Variants in UXS1 observed in about 807,000 individuals in gnomAD.
The protein encoded by UXS1 is UDP-glucuronate decarboxylase 1.
In UXS1, 33 loss-of-function variants were observed where a neutral mutation model predicts 62.6. The observed-to-expected ratio is 0.53, with a 90% CI of 0.40 to 0.70. The LOEUF (loss-of-function observed/expected upper bound fraction) is 0.70. Ranked by LOEUF, UXS1 falls within the 30% of genes least tolerant of loss-of-function variation. The pLI is 0.00. For missense variants in UXS1, 434 were observed against 556.3 expected, an observed-to-expected ratio of 0.78 and a Z score of 2.21; for synonymous variants, 213 against 206.8, an observed-to-expected ratio of 1.03 and a Z score of -0.26.
In UXS1 at chr2:106,169,579, T is replaced by C. The variant is rs145658602; in HGVS notation, c.95-3496A>G. Reference sequence around the variant, plus strand: ...GCCTGTGCCTTCAGTCCCAGCTACATGGCGGGGGCAGAAGCAGAAAGATCG... The same window carrying C: ...GCCTGTGCCTTCAGTCCCAGCTACACGGCGGGGGCAGAAGCAGAAAGATCG... On this transcript the variant is annotated intron_variant, in intron 1 of 14. Transcript: ENST00000283148. Among the ~76,000 whole-genome samples the C allele has an allele frequency of 9.2e-5, 14 of 152,230 alleles. No homozygotes were observed. In the East Asian group the frequency reaches 2.7e-3, roughly 29 times the overall value.
At chr2:106,150,360 C>G (rs1339341421) in intron 5 of UXS1, among the ~76,000 whole-genome samples, 2 of 152,182 alleles carry the variant, frequency 1.3e-5, no homozygotes, top group Non-Finnish European at 2.9e-5. Context: ...GGTTCTGTCC[C>G]TTAAGACAAT....
chr2:106,125,509 G>A, intron 8 of UXS1, 111 bp downstream of exon 8: 1 of 1,038,248 alleles, frequency 9.6e-7, no homozygotes, highest in South Asian at 3.1e-5. Flanking sequence ...TGCACAAGAG[G>A]AGCATGGGCA....
At chr2:106,194,031 G>C in intron 1 of UXS1, 117 bp downstream of exon 1, 1 of 697,142 alleles carries the variant, frequency 1.4e-6, no homozygotes. Flanking sequence ...CCCGCCCGGG[G>C]CGGGGAGCAA....
intron 9 of UXS1, among the ~76,000 whole-genome samples, chr2:106,115,581 C>T (rs1298100836): frequency 6.6e-6 from 1 of 152,224 alleles, no homozygotes; most frequent in African/African-American, 2.4e-5. Context: ...GCTGCACCAA[C>T]ATAGAACCAA....
chr2:106,126,046 T>C (rs1679916128), intron 7 of UXS1, among the ~76,000 whole-genome samples: 1 of 152,168 alleles, frequency 6.6e-6, no homozygotes, highest in Admixed American at 6.5e-5. Context: ...CTTTTCTCCT[T>C]AACTTCCACA....
chr2:106,117,893 T>C (rs1386836557), intron 9 of UXS1, among the ~76,000 whole-genome samples: 1 of 152,166 alleles, frequency 6.6e-6, no homozygotes, highest in African/African-American at 2.4e-5. Flanking sequence ...TTCTCAAAGG[T>C]GCTAAAAGGT....
At chr2:106,156,642 C>A (rs1373937140) in intron 5 of UXS1, among the ~76,000 whole-genome samples, 1 of 152,162 alleles carries the variant, frequency 6.6e-6, no homozygotes, top group Non-Finnish European at 1.5e-5. Context: ...GCATATAACC[C>A]ACACACATCC....
At chr2:106,130,678 GCTGT>G (rs1394087556) in intron 6 of UXS1, among the ~76,000 whole-genome samples, 1 of 152,152 alleles carries the variant, frequency 6.6e-6, no homozygotes, top group Non-Finnish European at 1.5e-5. Context: ...GGGAACTGCT[GCTGT>G]CTTTCCTTTC....
chr2:106,145,413 C>T (rs1489157802), intron 5 of UXS1, 43 bp from the exon 6 acceptor site: 23 of 1,565,760 alleles, frequency 1.5e-5, no homozygotes, highest in African/African-American at 5.4e-5. Flanking sequence ...AGAAAAAGCA[C>T]ATGAGAACAC....
chr2:106,145,274 T>C lies in UXS1; in HGVS notation c.388A>G (p.Arg130Gly). ...ATCCAGTGCTCCACGTTTCTCTTCCTGCCCGTGAAGAAATTGTCCACCACG... is the reference window on the plus strand; with the variant it reads ...ATCCAGTGCTCCACGTTTCTCTTCCCGCCCGTGAAGAAATTGTCCACCACG... Reference protein sequence around the residue: ...VTVVDNFFTGRKRNVEHWIGH... With the variant: ...VTVVDNFFTGGKRNVEHWIGH... Residue 130 changes from arginine (R) to glycine (G), a missense_variant, in exon 6 of 15, where the codon AGG (arginine) becomes GGG (glycine). Physicochemically the swap from Arg to Gly is moderately radical, Grantham distance 125 (BLOSUM62 -2). Around this residue, in one of 3 missense-constraint regions of UXS1, gnomAD observed 134 missense variants for 251.9 expected, o/e 0.53. Transcript: ENST00000283148. The C allele has an allele frequency of 6.2e-7, 1 of 1,614,044 alleles. No homozygotes were observed. Among genetic ancestry groups the C allele is most frequent in the African/African-American group, 1.3e-5 (1 of 75,056 alleles).
chr2:106,159,317 A>G (rs1378858158), intron 4 of UXS1: 2 of 152,228 alleles, frequency 1.3e-5, no homozygotes, highest in Non-Finnish European at 2.9e-5. Flanking sequence ...AAGAGATATT[A>G]ATGAAACTTT....
intron 11 of UXS1, 34 bp downstream of exon 11, chr2:106,104,760 C>CT (rs781753676): frequency 2.2e-5 from 35 of 1,613,792 alleles, no homozygotes; most frequent in Non-Finnish European, 2.7e-5. Flanking sequence ...CTCCAAAGCA[C>CT]TGCTAAGGCT....
chr2:106,105,137 G>T (rs148029212), intron 10 of UXS1, among the ~76,000 whole-genome samples: 1 of 152,236 alleles, frequency 6.6e-6, no homozygotes, highest in East Asian at 1.9e-4. Flanking sequence ...GGCATCATGT[G>T]AGGCTCTGGG....
At position 106,122,925 on chromosome 2, in the gene UXS1, G is replaced by A. The variant is rs761138864; in HGVS notation, c.759+45C>T. 4 of 1,606,820 alleles carry A rather than the reference G, an allele frequency of 2.5e-6. No homozygotes were observed. The Admixed American group carries it at 5.0e-5, about 20-fold the overall frequency. On this transcript the variant is annotated intron_variant, in intron 9 of 14. Transcript: ENST00000283148. ...ACAACACTTTACATCTGAGGTCAGG[G>A]TGCTCAGCACGCCTAAACCGCAAGC...
intron 7 of UXS1, among the ~76,000 whole-genome samples, chr2:106,128,399 G>C (rs558350821): frequency 7.9e-5 from 12 of 152,300 alleles, no homozygotes; most frequent in Admixed American, 7.2e-4. Flanking sequence ...CCAGGTATCT[G>C]GTTGAACATT....
intron 1 of UXS1, among the ~76,000 whole-genome samples, chr2:106,171,835 C>G (rs1264690395): frequency 2.6e-5 from 4 of 152,230 alleles, no homozygotes; most frequent in African/African-American, 9.6e-5. Context: ...CACTAAGTCA[C>G]AGGAAGAAAG....
At chr2:106,123,713 C>T (rs761971027) in intron 8 of UXS1, among the ~76,000 whole-genome samples, 12 of 152,158 alleles carry the variant, frequency 7.9e-5, no homozygotes, top group Non-Finnish European at 1.5e-4. Flanking sequence ...GGGGAAGAGA[C>T]TATTGGAAGA....
chr2:106,098,337 C>A (rs1677300132), intron 13 of UXS1, among the ~76,000 whole-genome samples: 1 of 152,250 alleles, frequency 6.6e-6, no homozygotes. Flanking sequence ...AATTTCAAAC[C>A]TGCCTGAAGC....
At chr2:106,163,158 A>T (rs1208509249) in intron 4 of UXS1, among the ~76,000 whole-genome samples, 1 of 152,152 alleles carries the variant, frequency 6.6e-6, no homozygotes, top group Non-Finnish European at 1.5e-5. Context: ...TTCTCTCCGA[A>T]ATCTGACTCA....
Sources: gnomAD v4.1 joint callset for allele counts (sites outside exome capture counted in the v4.1 genomes callset) on GRCh38, gnomAD v4.1.1 for gene constraint, gnomAD v4.1.1 regional missense constraint, MANE v1.5 for transcripts, NCBI Gene and HGNC (gene_info 2026-07-23, HGNC 2026-07-21) for gene names.